Variants in RORB observed in about 807,000 individuals in gnomAD.
RORB encodes RAR related orphan receptor B.
In RORB, 6 loss-of-function variants were observed where a neutral mutation model predicts 59.1. The ratio of observed to expected loss-of-function variants is 0.10; its 90% CI spans 0.06 to 0.20. The LOEUF is 0.20. Among genes scored for constraint, RORB ranks in the 10% least tolerant of loss-of-function variants. The pLI is 1.00. For missense variants in RORB, 320 were observed against 560.5 expected (o/e 0.57, Z 4.33); for synonymous variants, 215 against 204.5 (o/e 1.05, Z -0.44).
chr9:74,505,434 A>G (rs1825857336), intron 1 of RORB, among the ~76,000 whole-genome samples: 1 of 152,136 alleles, frequency 6.6e-6, no homozygotes, highest in African/African-American at 2.4e-5. Context: ...CCATATATAT[A>G]AAAAGAAATG....
At chr9:74,547,968 G>T (rs1372981933) in intron 1 of RORB, among the ~76,000 whole-genome samples, 2 of 152,194 alleles carry the variant, frequency 1.3e-5, no homozygotes, top group African/African-American at 4.8e-5. Context: ...CTAGAAATTA[G>T]AGTGACTTAG....
Position 74,660,648 on chromosome 9 carries a change from T to C in RORB, c.669T>C (p.His223=). 1 of 1,613,638 alleles carries C rather than the reference T, an allele frequency of 6.2e-7. No individual in the cohort carries two copies. Among genetic ancestry groups the C allele is most frequent in the African/African-American group, 1.3e-5 (1 of 75,006 alleles). The change falls in exon 5 of 10, where the codon CAT becomes CAC. Residue 223 remains histidine (H), a synonymous_variant. Transcript: ENST00000376896. ...TTGCACAGAACATCATTAAGTCCCA[T>C]TTGGAGACATGTCAATACACCATGG... The part of the protein sequence containing the change: ...DRIAQNIIKS[H]LETCQYTMEE...
intron 1 of RORB, among the ~76,000 whole-genome samples, chr9:74,575,636 C>T (rs1822623179): frequency 6.6e-6 from 1 of 151,872 alleles, no homozygotes; most frequent in Non-Finnish European, 1.5e-5. Flanking sequence ...TTCAAAAGGC[C>T]CAATTGTTAA....
At chr9:74,646,556 G>A (rs1823902893) in intron 4 of RORB, among the ~76,000 whole-genome samples, 1 of 152,152 alleles carries the variant, frequency 6.6e-6, no homozygotes, top group Non-Finnish European at 1.5e-5. Context: ...ATGCATTTTA[G>A]TCATTTTGAG....
At position 74,510,121 on chromosome 9, in the gene RORB, C is replaced by G. The variant is rs572000446; in HGVS notation, c.7+12138C>G. On this transcript the variant is annotated intron_variant, in intron 1 of 9. Transcript: ENST00000376896. ...CTATAAAAAACATAGCTTGAAATAC[C>G]AACCCTACTCTTCATTTATTCTGCA... 2.6e-5 allele frequency among the ~76,000 whole-genome samples: 4 copies of G among 152,062 alleles called. No homozygotes were observed. The South Asian group carries it at 8.3e-4, about 32-fold the overall frequency.
intron 1 of RORB, among the ~76,000 whole-genome samples, chr9:74,590,597 C>T (rs997186839): frequency 6.6e-6 from 1 of 152,108 alleles, no homozygotes; most frequent in African/African-American, 2.4e-5. Flanking sequence ...TTGCACACAG[C>T]GAGCTCTTTC....
chr9:74,553,662 G>A (rs956442931), intron 1 of RORB, among the ~76,000 whole-genome samples: 6 of 152,124 alleles, frequency 3.9e-5, no homozygotes, highest in Non-Finnish European at 5.9e-5. Context: ...ATCTTTGCAG[G>A]CCAATTTGTA....
intron 1 of RORB, chr9:74,615,493 T>C: frequency 6.3e-6 from 2 of 317,024 alleles, no homozygotes; most frequent in Admixed American, 3.8e-5. Flanking sequence ...ATCTCATTAA[T>C]GCAGCCTGTT....
chr9:74,559,742 C>A (rs1167184856), intron 1 of RORB, among the ~76,000 whole-genome samples: 2 of 152,010 alleles, frequency 1.3e-5, no homozygotes, highest in Admixed American at 1.3e-4. Context: ...GATGAATGCA[C>A]CTTGATAGCA....
At chr9:74,578,900 C>A (rs996706054) in intron 1 of RORB, among the ~76,000 whole-genome samples, 1 of 152,086 alleles carries the variant, frequency 6.6e-6, no homozygotes, top group South Asian at 2.1e-4. Context: ...TGTCCTCATC[C>A]TTTGTCCTCT....
intron 1 of RORB, among the ~76,000 whole-genome samples, chr9:74,530,888 G>A (rs1249040040): frequency 2.6e-5 from 4 of 151,062 alleles, no homozygotes; most frequent in Non-Finnish European, 5.9e-5. Context: ...CCTACCCCAC[G>A]ACAGGCCCCG....
At chr9:74,543,978 G>C (rs766686071) in intron 1 of RORB, among the ~76,000 whole-genome samples, 1 of 152,156 alleles carries the variant, frequency 6.6e-6, no homozygotes, top group Non-Finnish European at 1.5e-5. Context: ...CTGCTAGAGG[G>C]TTTTGTTTCC....
chr9:74,608,016 T>G (rs1376093640), intron 1 of RORB, among the ~76,000 whole-genome samples: 3 of 152,168 alleles, frequency 2.0e-5, no homozygotes, highest in African/African-American at 7.2e-5. Flanking sequence ...ACATGCTGAA[T>G]GAGAACCAGG....
At chr9:74,665,191 A>G (rs958022723) in intron 6 of RORB, among the ~76,000 whole-genome samples, 8 of 152,222 alleles carry the variant, frequency 5.3e-5, no homozygotes, top group Non-Finnish European at 2.9e-5. Context: ...TTAATTCCTC[A>G]TATAAGTATC....
At chr9:74,506,541 T>C (rs1005085687) in intron 1 of RORB, among the ~76,000 whole-genome samples, 4 of 152,128 alleles carry the variant, frequency 2.6e-5, no homozygotes, top group African/African-American at 9.7e-5. Context: ...CATTAGCTCT[T>C]GTGAACTTAG....
In RORB at chr9:74,559,268, A is replaced by G. The variant is rs559362871; in HGVS notation, c.7+61285A>G. On this transcript the variant is annotated intron_variant, in intron 1 of 9. Transcript: ENST00000376896. ...ACAAATCATTTTATTTACCATATAT[A>G]CCAGAATGCCAGGCTTCTAAAACCC... 9.2e-5 allele frequency among the ~76,000 whole-genome samples: 14 copies of G among 152,328 alleles called. No homozygotes were observed. In the South Asian group the frequency reaches 2.9e-3, roughly 32 times the overall value.
chr9:74,657,485 TTC>T (rs1824103656), intron 4 of RORB, among the ~76,000 whole-genome samples: 1 of 152,136 alleles, frequency 6.6e-6, no homozygotes, highest in African/African-American at 2.4e-5. Context: ...ACAGCTAGCT[TTC>T]TATCTGTGCC....
At chr9:74,606,567 G>C (rs1303787179) in intron 1 of RORB, among the ~76,000 whole-genome samples, 1 of 152,156 alleles carries the variant, frequency 6.6e-6, no homozygotes, top group South Asian at 2.1e-4. Context: ...ACAAACTTGG[G>C]CTGCACACAG....
chr9:74,645,728 T>C lies in RORB; in HGVS notation c.637+2913T>C. On this transcript the variant is annotated intron_variant, in intron 4 of 9. Transcript: ENST00000376896. ...CTCATAACAATCCCATTATGCCTGT[T>C]ATGTATTTGTATATTTTACTGATGG... Among the ~76,000 whole-genome samples, 2 of 152,214 alleles carry C rather than the reference T, an allele frequency of 1.3e-5. 1 individual carries two copies. The highest frequency in any genetic ancestry group is 2.9e-5 in the Non-Finnish European group (2 of 68,042).
Sources: allele counts gnomAD v4.1 joint callset (sites outside exome capture counted in the v4.1 genomes callset), GRCh38; gene constraint gnomAD v4.1.1; transcripts MANE v1.5; gene names NCBI Gene and HGNC (gene_info 2026-07-23, HGNC 2026-07-21).